The following KCND3 variants were observed in gnomAD, a reference collection of about 807,000 sequenced individuals.
KCND3 encodes the protein potassium voltage-gated channel subfamily D member 3.
In KCND3, 9 loss-of-function variants were observed where a neutral mutation model predicts 51.1. The ratio of observed to expected loss-of-function variants is 0.18; its 90% CI spans 0.11 to 0.31. The LOEUF (loss-of-function observed/expected upper bound fraction) is 0.31. Ranked by LOEUF, KCND3 falls within the 10% of genes least tolerant of loss-of-function variation. The probability of loss-of-function intolerance (pLI) is 1.00; values close to 1 mark genes in which losing one functional copy is unlikely to be tolerated. For synonymous variants in KCND3, 349 were observed against 368.0 expected (o/e 0.95, Z 0.59); for missense variants, 526 against 903.8 (o/e 0.58, Z 5.36).
intron 2 of KCND3, among the ~76,000 whole-genome samples, chr1:111,964,074 T>C (rs989468336): frequency 3.3e-5 from 5 of 152,174 alleles, no homozygotes; most frequent in African/African-American, 1.2e-4. Flanking sequence ...TGTAACTCTA[T>C]TGTGATTCGG....
chr1:111,929,568 T>C (rs1227733919), intron 2 of KCND3, among the ~76,000 whole-genome samples: 1 of 152,190 alleles, frequency 6.6e-6, no homozygotes, highest in Non-Finnish European at 1.5e-5. Flanking sequence ...ACCCAGTTGC[T>C]TCTCACCTCT....
rs1675003127 is a variant in KCND3 at position 111,982,364 on chromosome 1, G to A, written c.363C>T (p.Tyr121=). The A allele has an allele frequency of 6.2e-7, 1 of 1,614,190 alleles. No individual in the cohort carries two copies. The change falls in exon 2 of 8, where the codon TAC becomes TAT. Residue 121 remains tyrosine, a synonymous_variant. Coordinates refer to ENST00000302127, the MANE Select transcript of KCND3 (RefSeq NM_001378969.1). The surrounding 1 kb of genome is among the most constrained non-coding windows in gnomAD (Gnocchi z 8.5). ...ISAYDDELAF[Y]GILPEIIGDC... Reference sequence around the variant, plus strand: ...CCCCGATGATCTCCGGGAGGATGCCGTAGAAGGCCAGCTCGTCGTCGTAGG... The same window carrying A: ...CCCCGATGATCTCCGGGAGGATGCCATAGAAGGCCAGCTCGTCGTCGTAGG...
At chr1:111,785,750 A>G (rs1327903630) in intron 3 of KCND3, among the ~76,000 whole-genome samples, 4 of 152,036 alleles carry the variant, frequency 2.6e-5, no homozygotes. Context: ...CTTCCTCCAT[A>G]ACGACATTAA....
At chr1:111,777,315 G>A (rs771223175) in intron 6 of KCND3, 42 bp from the exon 7 acceptor site, 12 of 1,603,986 alleles carry the variant, frequency 7.5e-6, no homozygotes, top group Middle Eastern at 3.5e-4. Flanking sequence ...AAGGAGGTAG[G>A]GAGGAGAGAG....
intron 2 of KCND3, among the ~76,000 whole-genome samples, chr1:111,818,676 T>G (rs1666215904): frequency 6.6e-6 from 1 of 152,174 alleles, no homozygotes; most frequent in Admixed American, 6.5e-5. Flanking sequence ...TCCCCTGAGT[T>G]TCCCTTCTTT....
intron 2 of KCND3, among the ~76,000 whole-genome samples, chr1:111,928,609 C>A (rs1190950278): frequency 6.6e-6 from 1 of 152,212 alleles, no homozygotes; most frequent in Non-Finnish European, 1.5e-5. Flanking sequence ...TCTCTGGGCA[C>A]AACACACAAG....
At chr1:111,949,583 G>C (rs930938168) in intron 2 of KCND3, among the ~76,000 whole-genome samples, 1 of 152,162 alleles carries the variant, frequency 6.6e-6, no homozygotes, top group Non-Finnish European at 1.5e-5. Flanking sequence ...GAGTATACTT[G>C]TTTTATTTGT....
intron 2 of KCND3, among the ~76,000 whole-genome samples, chr1:111,903,806 G>A (rs959492507): frequency 3.3e-5 from 5 of 152,202 alleles, no homozygotes; most frequent in African/African-American, 4.8e-5. Context: ...TGATTTGCAT[G>A]AGTCTCTCCA....
chr1:111,899,425 T>A (rs1037511591), intron 2 of KCND3, among the ~76,000 whole-genome samples: 1 of 152,248 alleles, frequency 6.6e-6, no homozygotes, highest in African/African-American at 2.4e-5. Context: ...CTTCTTGGCC[T>A]GAGGCAGGGA....
intron 2 of KCND3, among the ~76,000 whole-genome samples, chr1:111,837,491 G>A (rs2101633030): frequency 6.6e-6 from 1 of 152,316 alleles, no homozygotes; most frequent in East Asian, 1.9e-4. Context: ...AGGAAACTAA[G>A]CATGAGAATA....
intron 2 of KCND3, among the ~76,000 whole-genome samples, chr1:111,848,256 C>A (rs1234269053): frequency 6.6e-6 from 1 of 152,224 alleles, no homozygotes; most frequent in Non-Finnish European, 1.5e-5. Flanking sequence ...AGACTCAGCA[C>A]CTGAGATCAG....
chr1:111,810,550 T>G (rs1421325953), intron 2 of KCND3, among the ~76,000 whole-genome samples: 1 of 152,220 alleles, frequency 6.6e-6, no homozygotes, highest in African/African-American at 2.4e-5. Flanking sequence ...GAACTATTCC[T>G]TCTCTTCTCA....
At chr1:111,868,836 C>T (rs1441765915) in intron 2 of KCND3, among the ~76,000 whole-genome samples, 2 of 152,134 alleles carry the variant, frequency 1.3e-5, no homozygotes, top group Admixed American at 6.5e-5. Flanking sequence ...CCTGGGCTCA[C>T]GTGATCCTCC....
chr1:111,934,474 G>A (rs911601754), intron 2 of KCND3, among the ~76,000 whole-genome samples: 2 of 152,224 alleles, frequency 1.3e-5, no homozygotes, highest in Non-Finnish European at 2.9e-5. Context: ...CTCAGCCCCA[G>A]ACATAGAAGG....
intron 2 of KCND3, among the ~76,000 whole-genome samples, chr1:111,922,535 T>C (rs1234940595): frequency 2.6e-5 from 4 of 152,254 alleles, no homozygotes; most frequent in African/African-American, 9.6e-5. Flanking sequence ...CCATACTAGC[T>C]GTGTGACTTC....
intron 2 of KCND3, among the ~76,000 whole-genome samples, chr1:111,788,817 C>A (rs1467629263): frequency 8.5e-5 from 13 of 152,256 alleles, no homozygotes; most frequent in Non-Finnish European, 1.5e-5. Context: ...TTACTCTGGG[C>A]CTTAGTTTCG....
intron 2 of KCND3, among the ~76,000 whole-genome samples, chr1:111,920,693 CTCTGCGGGTCCCCACTCACGCTGAAGG>C (rs1671436618): frequency 1.3e-5 from 2 of 152,202 alleles, no homozygotes. Flanking sequence ...ACTCCACATG[CTCTGCGGGTCCCCACTCACGCTGAAGG>C]TCCACTGCCA....
chr1:111,977,489 G>A (rs935482666), intron 2 of KCND3, among the ~76,000 whole-genome samples: 8 of 152,110 alleles, frequency 5.3e-5, no homozygotes, highest in Non-Finnish European at 1.0e-4. Context: ...ACTGTCAAAC[G>A]CTCTCTCATC....
At chr1:111,983,869 G>A (rs543626026) in intron 1 of KCND3, among the ~76,000 whole-genome samples, 160 of 152,284 alleles carry the variant, frequency 1.1e-3, no homozygotes, top group Non-Finnish European at 1.8e-3. Context: ...GCAATGGCAC[G>A]GAGAATTATA....
Sources: allele counts gnomAD v4.1 joint callset (sites outside exome capture counted in the v4.1 genomes callset), GRCh38; gene constraint gnomAD v4.1.1; non-coding constraint Gnocchi (gnomAD v3.1); transcripts MANE v1.5; gene names NCBI Gene and HGNC (gene_info 2026-07-23, HGNC 2026-07-21).